The following RBFOX1 variants were observed in gnomAD, a reference collection of about 807,000 sequenced individuals.
RBFOX1 encodes the protein RNA binding protein fox-1 homolog 1.
In RBFOX1, 8 loss-of-function variants were observed where a neutral mutation model predicts 57.7. That is an observed-to-expected ratio of 0.14 (90% confidence interval 0.08 to 0.25). RBFOX1 has a LOEUF of 0.25. Ranked by LOEUF, RBFOX1 falls within the 10% of genes least tolerant of loss-of-function variation. The probability of loss-of-function intolerance (pLI) is 1.00; values close to 1 mark genes in which losing one functional copy is unlikely to be tolerated. For missense variants in RBFOX1, 611 were observed against 548.5 expected, an observed-to-expected ratio of 1.11 and a Z score of -1.14; for synonymous variants, 326 against 222.4, an observed-to-expected ratio of 1.47 and a Z score of -4.15.
chr16:6,968,730 C>T (rs769384850), intron 3 of RBFOX1, among the ~76,000 whole-genome samples: 9 of 152,122 alleles, frequency 5.9e-5, no homozygotes, highest in Non-Finnish European at 1.3e-4. Context: ...CAGCTGGCCT[C>T]ATCTCCCTCC....
At chr16:7,365,875 T>G (rs1025817186) in intron 4 of RBFOX1, among the ~76,000 whole-genome samples, 2 of 152,208 alleles carry the variant, frequency 1.3e-5, no homozygotes, top group Non-Finnish European at 2.9e-5. Flanking sequence ...ATTAATACCC[T>G]AAGACTCTCC....
chr16:7,664,239 A>C (rs2068580175), intron 12 of RBFOX1, among the ~76,000 whole-genome samples: 1 of 151,870 alleles, frequency 6.6e-6, no homozygotes, highest in South Asian at 2.1e-4. Context: ...CCATATTAAC[A>C]CACACAAATA....
chr16:7,382,219 A>C (rs2097792288), intron 4 of RBFOX1, among the ~76,000 whole-genome samples: 2 of 152,216 alleles, frequency 1.3e-5, no homozygotes. Flanking sequence ...TAAACTAATT[A>C]AACTAATCCT....
intron 14 of RBFOX1, among the ~76,000 whole-genome samples, chr16:7,686,948 C>G (rs1424325700): frequency 1.3e-5 from 2 of 152,078 alleles, no homozygotes; most frequent in Middle Eastern, 3.4e-3. Flanking sequence ...GTAGAATAGC[C>G]AAACTGGGGA....
At chr16:6,359,808 C>G (rs932374068) in intron 2 of RBFOX1, among the ~76,000 whole-genome samples, 8 of 151,880 alleles carry the variant, frequency 5.3e-5, no homozygotes, top group African/African-American at 1.5e-4. Context: ...TCATCTAAGT[C>G]AAAAAAACTT....
At chr16:5,761,452 TA>T (rs2053585650) in intron 3 of RBFOX1, among the ~76,000 whole-genome samples, 2 of 152,218 alleles carry the variant, frequency 1.3e-5, no homozygotes, top group South Asian at 4.1e-4. Flanking sequence ...CTGGATACTT[TA>T]TAAAGGAAAG....
chr16:5,315,832 CTG>C (rs2064222267), intron 1 of RBFOX1, among the ~76,000 whole-genome samples: 1 of 152,146 alleles, frequency 6.6e-6, no homozygotes, highest in African/African-American at 2.4e-5. Context: ...ATGTCCACCT[CTG>C]TGCTCACATT....
At chr16:6,977,809 AG>A (rs2087474933) in intron 3 of RBFOX1, among the ~76,000 whole-genome samples, 1 of 152,044 alleles carries the variant, frequency 6.6e-6, no homozygotes, top group South Asian at 2.1e-4. Context: ...TGTGGATTGC[AG>A]GCACCTTTGG....
chr16:7,368,727 C>T (rs961768212), intron 4 of RBFOX1, among the ~76,000 whole-genome samples: 1 of 149,988 alleles, frequency 6.7e-6, no homozygotes. Context: ...TTGCAGTGAG[C>T]TGAGATCACG....
At chr16:6,858,347 G>T (rs1049866951) in intron 3 of RBFOX1, among the ~76,000 whole-genome samples, 2 of 152,172 alleles carry the variant, frequency 1.3e-5, no homozygotes, top group African/African-American at 4.8e-5. Context: ...CTAAAATACA[G>T]GAAAAAGCAG....
At chr16:7,097,491 GT>G (rs1320499492) in intron 4 of RBFOX1, among the ~76,000 whole-genome samples, 2 of 152,166 alleles carry the variant, frequency 1.3e-5, no homozygotes, top group African/African-American at 4.8e-5. Context: ...AGTGAGTGGA[GT>G]TTTCTTTTCT....
Position 7,053,280 on chromosome 16 carries a change from G to C in RBFOX1, c.27+1182G>C, listed in dbSNP as rs150004690. On this transcript the variant is annotated intron_variant, in intron 4 of 15. Coordinates refer to ENST00000550418, the MANE Select transcript of RBFOX1 (RefSeq NM_018723.4). ...CATATTTGTTTTATGCAGTATCTCA[G>C]TATGGCCCTCTCTACCCACTTTCCT... Among the ~76,000 whole-genome samples, 8 of 152,282 alleles carry C rather than the reference G, an allele frequency of 5.3e-5. No individual in the cohort carries two copies. In the East Asian group the frequency reaches 1.5e-3, roughly 29 times the overall value.
chr16:7,007,550 A>G (rs764082722), intron 3 of RBFOX1, among the ~76,000 whole-genome samples: 1 of 152,184 alleles, frequency 6.6e-6, no homozygotes, highest in Non-Finnish European at 1.5e-5. Context: ...GAAGTGGGGC[A>G]TAAATTTGCC....
intron 3 of RBFOX1, among the ~76,000 whole-genome samples, chr16:5,827,906 CAT>C: frequency 6.6e-6 from 1 of 150,720 alleles, no homozygotes; most frequent in Non-Finnish European, 1.5e-5. Flanking sequence ...TCCATCCATC[CAT>C]CCATCCATCC....
At chr16:7,293,864 G>T (rs1272649202) in intron 4 of RBFOX1, among the ~76,000 whole-genome samples, 1 of 152,120 alleles carries the variant, frequency 6.6e-6, no homozygotes, top group Non-Finnish European at 1.5e-5. Context: ...AAGAATTCCT[G>T]GGGTGTCTTT....
chr16:7,174,463 GTAAGTT>G (rs1167201304), intron 4 of RBFOX1, among the ~76,000 whole-genome samples: 1 of 152,096 alleles, frequency 6.6e-6, no homozygotes, highest in Non-Finnish European at 1.5e-5. Flanking sequence ...GGGTTGTATG[GTAAGTT>G]TAAGTTTGAG....
intron 1 of RBFOX1, among the ~76,000 whole-genome samples, chr16:5,297,810 C>G (rs538689022): frequency 2.6e-4 from 40 of 152,198 alleles, no homozygotes; most frequent in Admixed American, 6.5e-4. Flanking sequence ...GCTACACCGA[C>G]TTGGTATTAA....
At chr16:6,871,309 C>T (rs1047128450) in intron 3 of RBFOX1, among the ~76,000 whole-genome samples, 1 of 152,176 alleles carries the variant, frequency 6.6e-6, no homozygotes, top group African/African-American at 2.4e-5. Context: ...CATCAACTTC[C>T]TGAGTAGCTG....
intron 1 of RBFOX1, among the ~76,000 whole-genome samples, chr16:6,036,762 G>T (rs1011835920): frequency 6.6e-6 from 1 of 152,028 alleles, no homozygotes; most frequent in African/African-American, 2.4e-5. Context: ...GAACTTCAAG[G>T]GCTTGAAATT....
Sources: gnomAD v4.1 joint callset for allele counts (sites outside exome capture counted in the v4.1 genomes callset) on GRCh38, gnomAD v4.1.1 for gene constraint, MANE v1.5 for transcripts, NCBI Gene and HGNC (gene_info 2026-07-23, HGNC 2026-07-21) for gene names.